The following ANKS1B variants were observed in gnomAD, a reference collection of about 807,000 sequenced individuals.
ANKS1B encodes the protein ankyrin repeat and sterile alpha motif domain-containing protein 1B.
ANKS1B carries 36 observed loss-of-function variants against 148.3 expected under a neutral mutation model. The ratio of observed to expected loss-of-function variants is 0.24; its 90% CI spans 0.19 to 0.32. The LOEUF (loss-of-function observed/expected upper bound fraction) is 0.32, where lower values mean the gene tolerates loss of function less well. ANKS1B is among the 10% of genes least tolerant of loss of function. The pLI is 1.00. For synonymous variants in ANKS1B, 542 were observed against 560.8 expected (o/e 0.97, Z 0.47); for missense variants, 1,157 against 1,542.6 (o/e 0.75, Z 4.19).
At chr12:99,603,671 G>GA (rs1401747300) in intron 9 of ANKS1B, among the ~76,000 whole-genome samples, 6 of 149,672 alleles carry the variant, frequency 4.0e-5, no homozygotes, top group South Asian at 2.1e-4. Flanking sequence ...GGATACAGTA[G>GA]AAAAAAAAAG....
chr12:98,981,892 G>A (rs922317665), intron 17 of ANKS1B, among the ~76,000 whole-genome samples: 1 of 152,200 alleles, frequency 6.6e-6, no homozygotes, highest in Admixed American at 6.5e-5. Flanking sequence ...CTGAGATACT[G>A]AACGGATTTT....
At chr12:98,760,254 A>C (rs2098374389) in intron 25 of ANKS1B, among the ~76,000 whole-genome samples, 1 of 150,352 alleles carries the variant, frequency 6.7e-6, no homozygotes, top group Non-Finnish European at 1.5e-5. Context: ...TTTGCGTTTA[A>C]AATAGTCTTA....
At chr12:99,587,380 T>C (rs1026967673) in intron 9 of ANKS1B, among the ~76,000 whole-genome samples, 3 of 152,152 alleles carry the variant, frequency 2.0e-5, no homozygotes, top group African/African-American at 4.8e-5. Flanking sequence ...GCAATGAAAC[T>C]GAGGAAAATA....
chr12:98,814,865 G>A (rs1266565778), intron 19 of ANKS1B, among the ~76,000 whole-genome samples: 2 of 152,094 alleles, frequency 1.3e-5, no homozygotes, highest in East Asian at 3.8e-4. Context: ...CACATTTGAA[G>A]GTGTATAATT....
intron 15 of ANKS1B, among the ~76,000 whole-genome samples, chr12:99,144,288 G>A (rs1160915933): frequency 6.6e-6 from 1 of 152,004 alleles, no homozygotes; most frequent in Non-Finnish European, 1.5e-5. Flanking sequence ...AAATAAAATG[G>A]AAAGAGTGTA....
intron 8 of ANKS1B, among the ~76,000 whole-genome samples, chr12:99,657,659 A>ATATT (rs66516058): frequency 0.016 from 2,298 of 146,826 alleles, 81 homozygotes; most frequent in African/African-American, 0.055. Context: ...ATATATATAT[A>ATATT]TGATAAAGTT....
chr12:98,967,643 A>AG (rs2099879464), intron 17 of ANKS1B, among the ~76,000 whole-genome samples: 9 of 61,174 alleles, frequency 1.5e-4, no homozygotes, highest in East Asian at 1.4e-3. Flanking sequence ...AGGGGAGGGG[A>AG]GGGAAGAGGA....
At chr12:98,935,747 A>T (rs1158929951) in intron 17 of ANKS1B, among the ~76,000 whole-genome samples, 1 of 152,186 alleles carries the variant, frequency 6.6e-6, no homozygotes, top group African/African-American at 2.4e-5. Flanking sequence ...AATAATTAAG[A>T]GAGGAGACTT....
At chr12:99,822,092 C>T (rs2082580182) in intron 2 of ANKS1B, among the ~76,000 whole-genome samples, 1 of 151,966 alleles carries the variant, frequency 6.6e-6, no homozygotes, top group Admixed American at 6.6e-5. Context: ...ATTCTCTAAA[C>T]AGGCTGATGG....
chr12:99,409,426 T>C (rs910711066), intron 11 of ANKS1B, among the ~76,000 whole-genome samples: 2 of 152,106 alleles, frequency 1.3e-5, no homozygotes, highest in Non-Finnish European at 2.9e-5. Flanking sequence ...ATGAATAAGA[T>C]CTAGTATTTG....
At chr12:99,731,205 G>A (rs1476943461) in intron 8 of ANKS1B, among the ~76,000 whole-genome samples, 4 of 151,908 alleles carry the variant, frequency 2.6e-5, no homozygotes, top group South Asian at 2.1e-4. Flanking sequence ...CGCAACCTCC[G>A]CCTCCCAGGC....
chr12:99,930,618 A>T (rs1490607157), intron 1 of ANKS1B, among the ~76,000 whole-genome samples: 1 of 152,190 alleles, frequency 6.6e-6, no homozygotes, highest in African/African-American at 2.4e-5. Context: ...GCCATCAGAG[A>T]AATGCAAATC....
rs373104065 is a variant in ANKS1B at position 98,821,568 on chromosome 12, T to C, written c.3066+7606A>G. Among the ~76,000 whole-genome samples the C allele has an allele frequency of 3.0e-4, 45 of 152,306 alleles. No individual in the cohort carries two copies. The East Asian group carries it at 6.6e-3, about 22-fold the overall frequency. ...TGCAATTAGCTCAGGGAAGGACACT[T>C]GATCCAATCCAGGCTCACTGGAACT... is the stretch of plus-strand genomic sequence containing the variant. On this transcript the variant is annotated intron_variant, in intron 19 of 26. Coordinates refer to ENST00000683438, the MANE Select transcript of ANKS1B (RefSeq NM_001352186.2).
intron 9 of ANKS1B, among the ~76,000 whole-genome samples, chr12:99,652,671 T>C (rs762739459): frequency 6.6e-6 from 1 of 152,154 alleles, no homozygotes; most frequent in African/African-American, 2.4e-5. Flanking sequence ...ACAGATTTTA[T>C]AAAGCAAGCA....
At chr12:99,003,913 C>T (rs960509357) in intron 17 of ANKS1B, among the ~76,000 whole-genome samples, 4 of 152,068 alleles carry the variant, frequency 2.6e-5, no homozygotes, top group African/African-American at 9.7e-5. Context: ...TTCCCACTCT[C>T]ATGCTGCTGG....
chr12:99,462,305 C>G (rs1203149509), intron 10 of ANKS1B, among the ~76,000 whole-genome samples: 1 of 152,200 alleles, frequency 6.6e-6, no homozygotes, highest in African/African-American at 2.4e-5. Context: ...CTTTCAATGT[C>G]AGGTCAACAC....
At chr12:99,085,409 A>T (rs2051346340) in intron 15 of ANKS1B, among the ~76,000 whole-genome samples, 1 of 152,086 alleles carries the variant, frequency 6.6e-6, no homozygotes, top group South Asian at 2.1e-4. Flanking sequence ...TTCTGTAAAA[A>T]TGTGAATGCT....
At chr12:98,803,635 T>A (rs1248768214) in intron 20 of ANKS1B, among the ~76,000 whole-genome samples, 1 of 152,020 alleles carries the variant, frequency 6.6e-6, no homozygotes, top group African/African-American at 2.4e-5. Context: ...GCTCAACAGG[T>A]AGTTTTCAAA....
chr12:98,879,643 G>A (rs1023770738), intron 17 of ANKS1B, among the ~76,000 whole-genome samples: 3 of 151,642 alleles, frequency 2.0e-5, no homozygotes, highest in African/African-American at 7.3e-5. Context: ...CGTTTTTGTG[G>A]CATTTGAGAA....
Sources: allele counts gnomAD v4.1 joint callset (sites outside exome capture counted in the v4.1 genomes callset), GRCh38; gene constraint gnomAD v4.1.1; transcripts MANE v1.5; gene names NCBI Gene and HGNC (gene_info 2026-07-23, HGNC 2026-07-21).